VWA3B: variants seen among roughly 807,000 people sequenced by gnomAD.
The protein encoded by VWA3B is von Willebrand factor A domain-containing protein 3B.
Under a neutral mutation model 158.3 loss-of-function variants are expected in VWA3B, and 138 were observed. That is an observed-to-expected ratio of 0.87 (90% confidence interval 0.76 to 1.00). The LOEUF is 1.00. Among genes scored for constraint, VWA3B ranks in the 50% least tolerant of loss-of-function variants. The probability of loss-of-function intolerance (pLI) is 0.00; values close to 1 mark genes in which losing one functional copy is unlikely to be tolerated. For missense variants in VWA3B, 1,555 were observed against 1,565.1 expected (o/e 0.99, Z 0.11); for synonymous variants, 596 against 587.3 (o/e 1.01, Z -0.21).
intron 6 of VWA3B, among the ~76,000 whole-genome samples, chr2:98,132,159 A>C (rs1482361310): frequency 6.6e-6 from 1 of 152,226 alleles, no homozygotes; most frequent in Non-Finnish European, 1.5e-5. Flanking sequence ...TCAGCTACCT[A>C]ACGAGGCCAT....
chr2:98,310,113 TG>T lies in VWA3B; in HGVS notation c.3522-1705del, dbSNP rs140800591. ...CTTCATTCTCCACCCCTTCAGTTGC[TG>T]AAAGTCTAAGACCCCCCACCGGGTC... On this transcript the variant is annotated intron_variant, in intron 26 of 27. Transcript: ENST00000477737. Among the ~76,000 whole-genome samples the T allele has an allele frequency of 3.8e-3, 576 of 152,326 alleles. 7 individuals carry two copies. Among genetic ancestry groups the T allele is most frequent in the African/African-American group, 0.013 (531 of 41,574 alleles).
At chr2:98,090,065 G>C (rs1228988880) in intron 1 of VWA3B, among the ~76,000 whole-genome samples, 1 of 152,108 alleles carries the variant, frequency 6.6e-6, no homozygotes, top group Non-Finnish European at 1.5e-5. Flanking sequence ...CCTTCAGCAA[G>C]AATATTGTAG....
Position 98,188,116 on chromosome 2 carries a change from C to G in VWA3B, c.1453C>G (p.Arg485Gly), listed in dbSNP as rs200956872. 9 of 1,611,560 alleles carry G rather than the reference C, an allele frequency of 5.6e-6. No homozygotes were observed. Among genetic ancestry groups the G allele is most frequent in the East Asian group, 2.2e-5 (1 of 44,812 alleles). The change falls in exon 10 of 28, where the codon CGG becomes GGG. Residue 485 changes from arginine (R) to glycine (G), a missense_variant. Physicochemically the swap from Arg to Gly is moderately radical, Grantham distance 125. Transcript: ENST00000477737. ...YSERIHTALA[R>G]IRRRIKWLQD... ...TGAGAGAATCCACACAGCCCTGGCC[C>G]GGATCCGAAGGAGGTTGGTGTTATT... is the stretch of plus-strand genomic sequence containing the variant.
rs544006708 is a variant in VWA3B, at chr2:98,139,286, C to T, written c.988+5347C>T. 7.2e-5 allele frequency among the ~76,000 whole-genome samples: 11 copies of T among 152,350 alleles called. No individual in the cohort carries two copies. The South Asian group carries it at 1.0e-3, about 14-fold the overall frequency. On this transcript the variant is annotated intron_variant, in intron 7 of 27. Transcript: ENST00000477737. The stretch of plus-strand genomic sequence containing the variant: ...AGCCCGCCATACCTGAGCCTTCCCC[C>T]GCCTCCGTGGGCTCCTGTGCAGCCC...
In VWA3B at chr2:98,115,101, C is replaced by CTT. The variant is rs369549458; in HGVS notation, c.197-535_197-534dup. Among the ~76,000 whole-genome samples the CTT allele has an allele frequency of 2.6e-3, 339 of 131,622 alleles. 2 individuals carry two copies. Among genetic ancestry groups the CTT allele is most frequent in the African/African-American group, 8.8e-3 (318 of 35,960 alleles). The allele number at this position is 131,622 out of a possible 152,430, so 86.3% of individuals were successfully genotyped here. ...AAGTCACGAATAACTTCCTATGTTG[C>CTT]TTTTTTTTTTTTTTTTTAACCTCTG... On this transcript the variant is annotated intron_variant, in intron 2 of 27. Transcript: ENST00000477737.
intron 6 of VWA3B, among the ~76,000 whole-genome samples, chr2:98,129,352 AAGAG>A (rs758598269): frequency 2.4e-4 from 36 of 148,216 alleles, no homozygotes; most frequent in African/African-American, 8.0e-4. Flanking sequence ...GAGACGGAGA[AAGAG>A]AGAGAGACAG....
chr2:98,130,595 C>T (rs865979721), intron 6 of VWA3B, among the ~76,000 whole-genome samples: 5 of 152,310 alleles, frequency 3.3e-5, no homozygotes, highest in South Asian at 4.1e-4. Context: ...TGACTCTTAA[C>T]GAGCATGCTG....
chr2:98,152,622 C>A (rs547240377), intron 7 of VWA3B, among the ~76,000 whole-genome samples: 1 of 152,316 alleles, frequency 6.6e-6, no homozygotes, highest in African/African-American at 2.4e-5. Flanking sequence ...TTTACTTAAA[C>A]TGAAATAGTA....
chr2:98,306,723 G>A (rs1690544849), intron 26 of VWA3B, among the ~76,000 whole-genome samples: 1 of 152,130 alleles, frequency 6.6e-6, no homozygotes, highest in South Asian at 2.1e-4. Flanking sequence ...GCAAATCCTT[G>A]TATGTTGAGA....
intron 2 of VWA3B, among the ~76,000 whole-genome samples, chr2:98,108,088 T>C (rs1349538102): frequency 6.6e-6 from 1 of 152,100 alleles, no homozygotes; most frequent in Non-Finnish European, 1.5e-5. Flanking sequence ...TAAAAGTCTT[T>C]TATTTTCATC....
At chr2:98,188,458 A>G (rs933066893) in intron 10 of VWA3B, among the ~76,000 whole-genome samples, 2 of 152,112 alleles carry the variant, frequency 1.3e-5, no homozygotes, top group Non-Finnish European at 2.9e-5. Context: ...CCTCCTATCT[A>G]GCTAAACTTT....
chr2:98,312,924 T>TA lies in VWA3B; in HGVS notation c.*576dup, dbSNP rs1690996337. On this transcript the variant is annotated 3_prime_UTR_variant, in exon 28 of 28. Transcript: ENST00000477737. ...AGCCCGAAACCAGAATAAAAACTCTTACATTGGAAACATTTCAAAACCATT... is the reference window on the plus strand; with the variant it reads ...AGCCCGAAACCAGAATAAAAACTCTTAACATTGGAAACATTTCAAAACCATT... The TA allele has an allele frequency of 6.6e-6, 1 of 152,296 alleles. No homozygotes were observed. Among genetic ancestry groups the TA allele is most frequent in the Non-Finnish European group, 1.5e-5 (1 of 68,074 alleles). The allele number at this position is 152,296 out of a possible 1,614,324, so 9.4% of individuals were successfully genotyped here. A position where few individuals can be genotyped will look rare whatever the true frequency, so the allele number is the denominator to read the frequency against.
intron 22 of VWA3B, 49 bp from the exon 23 acceptor site, chr2:98,290,462 A>T (rs760132749): frequency 9.6e-6 from 13 of 1,360,726 alleles, no homozygotes; most frequent in Non-Finnish European, 1.3e-5. Flanking sequence ...CATTTTCAGC[A>T]TCTGCATTCA....
chr2:98,194,273 A>G (rs1681842991), intron 11 of VWA3B, 88 bp from the exon 12 acceptor site: 6 of 1,370,422 alleles, frequency 4.4e-6, no homozygotes, highest in East Asian at 4.7e-5. Flanking sequence ...AGAGACCATC[A>G]TGATTAAAAT....
Position 98,303,813 on chromosome 2 carries a change from T to C in VWA3B, c.3521+11T>C, listed in dbSNP as rs1235938299. ...TGAGGATCCAGAAGTGTAAGTGTAC[T>C]CAACTTTTATCTCTTGAATATTAAT... On this transcript the variant is annotated intron_variant, in intron 26 of 27. Coordinates refer to ENST00000477737, the MANE Select transcript of VWA3B (RefSeq NM_144992.5). 1.2e-6 allele frequency: 2 copies of C among 1,609,858 alleles called. No homozygotes were observed. Among genetic ancestry groups the C allele is most frequent in the African/African-American group, 1.3e-5 (1 of 74,954 alleles).
intron 11 of VWA3B, among the ~76,000 whole-genome samples, chr2:98,193,333 C>T (rs976690970): frequency 1.3e-5 from 2 of 152,146 alleles, no homozygotes; most frequent in Admixed American, 6.5e-5. Context: ...AACTCCTCAT[C>T]TTAGCATTTT....
intron 23 of VWA3B, among the ~76,000 whole-genome samples, chr2:98,292,947 G>A (rs1193771280): frequency 6.6e-6 from 1 of 151,878 alleles, no homozygotes; most frequent in Non-Finnish European, 1.5e-5. Context: ...CTGGGAGACA[G>A]AGTGAGACTC....
intron 26 of VWA3B, 73 bp from the exon 27 acceptor site, chr2:98,311,746 G>T: frequency 6.9e-7 from 1 of 1,451,404 alleles, no homozygotes; most frequent in Non-Finnish European, 9.1e-7. Flanking sequence ...AGCAGCCGTG[G>T]GGATGGCTTG....
chr2:98,091,217 AAGATAGC>A (rs1682267709), intron 1 of VWA3B, among the ~76,000 whole-genome samples: 1 of 152,188 alleles, frequency 6.6e-6, no homozygotes, highest in South Asian at 2.1e-4. Context: ...GTTAATTGTA[AAGATAGC>A]AGAGTGGTTA....
Sources: allele counts gnomAD v4.1 joint callset (sites outside exome capture counted in the v4.1 genomes callset), GRCh38; gene constraint gnomAD v4.1.1; transcripts MANE v1.5; gene names NCBI Gene and HGNC (gene_info 2026-07-23, HGNC 2026-07-21).